The following SGK3 variants were observed in gnomAD, a reference collection of about 807,000 sequenced individuals.
The protein encoded by SGK3 is serum/glucocorticoid regulated kinase family member 3.
In SGK3, 47 loss-of-function variants were observed where a neutral mutation model predicts 68.5. That is an observed-to-expected ratio of 0.69 (90% CI 0.54 to 0.87). SGK3 has a LOEUF of 0.87. Among genes scored for constraint, SGK3 ranks in the 40% least tolerant of loss-of-function variants. SGK3 has a pLI of 0.00. For missense variants in SGK3, 479 were observed against 575.5 expected (o/e 0.83, Z 1.72); for synonymous variants, 181 against 189.1 (o/e 0.96, Z 0.35).
chr8:66,795,547 C>G (rs757845500), intron 2 of SGK3, among the ~76,000 whole-genome samples: 2 of 152,098 alleles, frequency 1.3e-5, no homozygotes, highest in Non-Finnish European at 2.9e-5. Flanking sequence ...ATACCTCCTG[C>G]CAAGTTTGAT....
At chr8:66,737,616 T>A (rs568434182) in intron 1 of SGK3, 1 of 149,560 alleles carries the variant, frequency 6.7e-6, no homozygotes, top group Non-Finnish European at 1.5e-5. Flanking sequence ...GACCCCTTTA[T>A]CTTTTTTTTT....
chr8:66,818,307 T>C (rs924681628), intron 5 of SGK3, among the ~76,000 whole-genome samples: 4 of 152,026 alleles, frequency 2.6e-5, no homozygotes, highest in Non-Finnish European at 5.9e-5. Flanking sequence ...CAAAACACAT[T>C]GAATGGTTCA....
chr8:66,759,963 A>T (rs536073974), intron 1 of SGK3, among the ~76,000 whole-genome samples: 2 of 152,196 alleles, frequency 1.3e-5, no homozygotes, highest in South Asian at 4.1e-4. Flanking sequence ...TCCTCTCAAG[A>T]TCCTTTTTGT....
Position 66,802,012 on chromosome 8 carries a change from A to AT in SGK3, c.181-2357dup, listed in dbSNP as rs1244795389. On this transcript the variant is annotated intron_variant, in intron 3 of 16. Coordinates refer to ENST00000521198, the MANE Select transcript of SGK3 (RefSeq NM_001033578.3). ...CTTCTGTGAAACATTCCATCTTTGG[A>AT]TTTTTTGTAGAAGAGTTTCCTTAAC... 7.9e-5 allele frequency among the ~76,000 whole-genome samples: 12 copies of AT among 152,268 alleles called. No individual in the cohort carries two copies. The East Asian group carries it at 2.1e-3, about 27-fold the overall frequency.
chr8:66,840,223 A>C lies in SGK3; in HGVS notation c.867A>C (p.Pro289=). The part of the protein sequence containing the change: ...SIKIVYRDLK[P]ENILLDSVGH... ...TTTAATTTGATAGAGACTTGAAACCAGAAAATATTCTTTTGGATTCAGTAG... is the reference window on the plus strand; with the variant it reads ...TTTAATTTGATAGAGACTTGAAACCCGAAAATATTCTTTTGGATTCAGTAG... Residue 289 remains proline (P), a synonymous_variant, in exon 12 of 17, where the codon CCA becomes CCC. Coordinates refer to ENST00000521198, the MANE Select transcript of SGK3 (RefSeq NM_001033578.3). 6.3e-7 allele frequency: 1 copy of C among 1,589,912 alleles called. No homozygotes were observed. The highest frequency in any genetic ancestry group is 8.6e-7 in the Non-Finnish European group (1 of 1,169,570).
intron 8 of SGK3, among the ~76,000 whole-genome samples, chr8:66,832,123 G>A (rs571884260): frequency 5.3e-5 from 8 of 152,210 alleles, no homozygotes; most frequent in African/African-American, 1.9e-4. Flanking sequence ...GAGCAGCTGT[G>A]TAAATAACAG....
chr8:66,726,775 T>C (rs1056590205), intron 1 of SGK3, among the ~76,000 whole-genome samples: 2 of 128,326 alleles, frequency 1.6e-5, no homozygotes, highest in African/African-American at 6.8e-5. Context: ...CACTCCAGCC[T>C]GAATGACAGA....
At chr8:66,798,821 C>T (rs1807809562) in intron 3 of SGK3, among the ~76,000 whole-genome samples, 196 bp downstream of exon 3, 1 of 152,164 alleles carries the variant, frequency 6.6e-6, no homozygotes, top group Non-Finnish European at 1.5e-5. Context: ...GACTGCTGAA[C>T]AATTCCAAAT....
intron 14 of SGK3, among the ~76,000 whole-genome samples, chr8:66,843,809 C>T (rs186076475): frequency 3.3e-5 from 5 of 152,176 alleles, no homozygotes; most frequent in East Asian, 3.9e-4. Context: ...GCCTATGCAA[C>T]GTGGCGAAAT....
intron 10 of SGK3, among the ~76,000 whole-genome samples, chr8:66,837,934 A>G (rs1187614957): frequency 6.6e-6 from 1 of 152,250 alleles, no homozygotes; most frequent in Admixed American, 6.5e-5. Flanking sequence ...TGACAGATAA[A>G]GAGAATTTAT....
At chr8:66,785,849 C>T (rs1425705852) in intron 1 of SGK3, among the ~76,000 whole-genome samples, 4 of 152,212 alleles carry the variant, frequency 2.6e-5, no homozygotes, top group African/African-American at 9.6e-5. Context: ...GAAGAGCTGT[C>T]ACCTACCCCT....
intron 6 of SGK3, among the ~76,000 whole-genome samples, chr8:66,824,520 C>A (rs1563647140): frequency 2.0e-5 from 3 of 152,038 alleles, no homozygotes; most frequent in South Asian, 2.1e-4. Context: ...AACAAGCACC[C>A]TTGGTCATCA....
At chr8:66,815,642 A>T (rs1808545133) in intron 5 of SGK3, among the ~76,000 whole-genome samples, 1 of 152,120 alleles carries the variant, frequency 6.6e-6, no homozygotes, top group African/African-American at 2.4e-5. Flanking sequence ...TCAAAGCTTG[A>T]ATTTGTCTCT....
chr8:66,769,735 TA>T (rs1806445240), intron 1 of SGK3, among the ~76,000 whole-genome samples: 1 of 152,094 alleles, frequency 6.6e-6, no homozygotes, highest in Non-Finnish European at 1.5e-5. Context: ...CTATTGTTAT[TA>T]TTATTATTAT....
intron 4 of SGK3, among the ~76,000 whole-genome samples, chr8:66,806,224 C>T (rs140139633): frequency 6.6e-6 from 1 of 151,834 alleles, no homozygotes; most frequent in East Asian, 1.9e-4. Flanking sequence ...GAGTATATAG[C>T]ACATTTCATT....
chr8:66,750,527 T>C (rs1309855958), intron 1 of SGK3, among the ~76,000 whole-genome samples: 3 of 151,766 alleles, frequency 2.0e-5, no homozygotes, highest in African/African-American at 7.3e-5. Flanking sequence ...GTATTTAGTC[T>C]TAAGAAATGT....
At chr8:66,802,126 A>T (rs1051436306) in intron 3 of SGK3, among the ~76,000 whole-genome samples, 1 of 151,426 alleles carries the variant, frequency 6.6e-6, no homozygotes, top group East Asian at 1.9e-4. Context: ...ATCACTTTCT[A>T]TGTCTCTCTC....
intron 13 of SGK3, among the ~76,000 whole-genome samples, chr8:66,841,922 A>T (rs1809812751): frequency 6.6e-6 from 1 of 152,180 alleles, no homozygotes; most frequent in South Asian, 2.1e-4. Flanking sequence ...ATTCCAAGGT[A>T]TTTATAATGA....
chr8:66,796,321 ATTTTTTTTTTTTTTTT>A (rs71249408), intron 2 of SGK3, among the ~76,000 whole-genome samples: 8 of 41,362 alleles, frequency 1.9e-4, no homozygotes, highest in South Asian at 1.6e-3. Context: ...TATTTTTTGT[ATTTTTTTTTTTTTTTT>A]TTTTTTTTTT....
Sources: gnomAD v4.1 joint callset for allele counts (sites outside exome capture counted in the v4.1 genomes callset) on GRCh38, gnomAD v4.1.1 for gene constraint, MANE v1.5 for transcripts, NCBI Gene and HGNC (gene_info 2026-07-23, HGNC 2026-07-21) for gene names.